The following ABCD3 variants were observed in gnomAD, a reference collection of about 807,000 sequenced individuals.
The protein encoded by ABCD3 is ATP binding cassette subfamily D member 3.
Under a neutral mutation model 105.5 loss-of-function variants are expected in ABCD3, and 41 were observed. The ratio of observed to expected loss-of-function variants is 0.39; its 90% confidence interval spans 0.30 to 0.50. The LOEUF (loss-of-function observed/expected upper bound fraction) is 0.50. Ranked by LOEUF, ABCD3 falls within the 20% of genes least tolerant of loss-of-function variation. ABCD3 has a pLI of 0.84. For missense variants in ABCD3, 622 were observed against 806.3 expected (o/e 0.77, Z 2.77); for synonymous variants, 258 against 269.0 (o/e 0.96, Z 0.40).
intron 1 of ABCD3, among the ~76,000 whole-genome samples, chr1:94,422,458 G>A (rs1188824731): frequency 6.6e-6 from 1 of 152,180 alleles, no homozygotes; most frequent in Non-Finnish European, 1.5e-5. Context: ...TGGAAAAATC[G>A]TGTTCCGCAA....
chr1:94,402,808 CTTT>C, the ABCD3 span, among the ~76,000 whole-genome samples: 4 of 148,530 alleles, frequency 2.7e-5, no homozygotes, highest in African/African-American at 9.9e-5. Flanking sequence ...CTTTTTTTTT[CTTT>C]TATTACTATA....
the ABCD3 span, among the ~76,000 whole-genome samples, chr1:94,404,472 A>G: frequency 6.6e-6 from 1 of 152,148 alleles, no homozygotes; most frequent in Non-Finnish European, 1.5e-5. Flanking sequence ...AATATGAAAT[A>G]AAATCAGTTT....
intron 1 of ABCD3, among the ~76,000 whole-genome samples, chr1:94,448,163 A>T (rs958542980): frequency 6.6e-6 from 1 of 152,138 alleles, no homozygotes; most frequent in East Asian, 1.9e-4. Flanking sequence ...TAATTGACGG[A>T]CTCTAACTCC....
At chr1:94,458,202 C>T (rs1395703358) in intron 1 of ABCD3, among the ~76,000 whole-genome samples, 1 of 152,154 alleles carries the variant, frequency 6.6e-6, no homozygotes, top group East Asian at 1.9e-4. Flanking sequence ...GAAAGATTCC[C>T]AGCAGTAAGA....
At chr1:94,426,523 C>T (rs1284173944) in intron 1 of ABCD3, among the ~76,000 whole-genome samples, 3 of 151,866 alleles carry the variant, frequency 2.0e-5, no homozygotes, top group African/African-American at 2.4e-5. Flanking sequence ...CCCTTCTTTC[C>T]CCCTCCTCAC....
intron 7 of ABCD3, among the ~76,000 whole-genome samples, chr1:94,476,319 C>G (rs1296887623): frequency 6.6e-6 from 1 of 152,170 alleles, no homozygotes; most frequent in African/African-American, 2.4e-5. Flanking sequence ...TTATCTTAGT[C>G]ATGTTATCTC....
rs1056451248 is a variant in ABCD3, at chr1:94,418,600, C to G, written c.110+12C>G. 2.5e-6 allele frequency: 4 copies of G among 1,584,140 alleles called. No individual in the cohort carries two copies. Among genetic ancestry groups the G allele is most frequent in the African/African-American group, 2.7e-5 (2 of 74,266 alleles). On this transcript the variant is annotated intron_variant, in intron 1 of 22. Transcript: ENST00000370214. ...CTCGGCCTGCACGGGTAAGAAGGCC[C>G]GTAGCCGTGCAGCTTTCCCGGGCTG... is the stretch of plus-strand genomic sequence containing the variant.
At chr1:94,417,201 G>A (rs745306220), upstream of ABCD3, among the ~76,000 whole-genome samples, 1 of 152,174 alleles carries the variant, frequency 6.6e-6, no homozygotes, top group Non-Finnish European at 1.5e-5. Context: ...AGGAGCTTCA[G>A]TTCTGCATAA....
upstream of ABCD3, among the ~76,000 whole-genome samples, chr1:94,416,814 C>G (rs969684333): frequency 4.6e-5 from 7 of 152,180 alleles, no homozygotes; most frequent in Non-Finnish European, 1.0e-4. Context: ...GTTAAGAGCT[C>G]CATTCCATTC....
intron 4 of ABCD3, 100 bp from the exon 5 acceptor site, chr1:94,473,666 A>G (rs1479087734): frequency 1.5e-5 from 14 of 964,088 alleles, no homozygotes; most frequent in Non-Finnish European, 2.0e-5. Flanking sequence ...TTTTGATTTA[A>G]TAGAAGTTTC....
At chr1:94,409,196 C>T in the ABCD3 span, among the ~76,000 whole-genome samples, 1 of 152,034 alleles carries the variant, frequency 6.6e-6, no homozygotes, top group Non-Finnish European at 1.5e-5. Flanking sequence ...TTTAATTGTA[C>T]ATTTGAAAAT....
intron 20 of ABCD3, among the ~76,000 whole-genome samples, chr1:94,506,161 A>G (rs1465265680): frequency 6.6e-6 from 1 of 152,198 alleles, no homozygotes; most frequent in Non-Finnish European, 1.5e-5. Flanking sequence ...TATTTAAAAT[A>G]GAGACCTTTT....
At chr1:94,481,331 C>T (rs1159122238) in intron 9 of ABCD3, among the ~76,000 whole-genome samples, 2 of 152,134 alleles carry the variant, frequency 1.3e-5, no homozygotes, top group Non-Finnish European at 2.9e-5. Flanking sequence ...TAGGCATTTG[C>T]AAATGACAGT....
chr1:94,428,590 A>C (rs913294141), intron 1 of ABCD3, among the ~76,000 whole-genome samples: 1 of 152,132 alleles, frequency 6.6e-6, no homozygotes, highest in African/African-American at 2.4e-5. Context: ...TCATGGGGGC[A>C]GGTCTTTCCC....
chr1:94,517,293 T>C lies in ABCD3; in HGVS notation c.*164T>C, dbSNP rs1436588593. 1.7e-6 allele frequency: 1 copy of C among 587,182 alleles called. No individual in the cohort carries two copies. The highest frequency in any genetic ancestry group is 1.9e-5 in the African/African-American group (1 of 52,896). The allele number at this position is 587,182 out of a possible 1,614,324, so 36.4% of individuals were successfully genotyped here. On this transcript the variant is annotated 3_prime_UTR_variant, in exon 23 of 23. Transcript: ENST00000370214. ...TAATGGAGAACAAGTTGTTAAAACA[T>C]TTAATATTATATAGGATATTGCTAA...
chr1:94,397,822 C>T, the ABCD3 span, among the ~76,000 whole-genome samples: 7 of 152,170 alleles, frequency 4.6e-5, no homozygotes, highest in African/African-American at 1.7e-4. Context: ...ATTAAAATCA[C>T]CACAGCATTT....
At chr1:94,387,156 C>CT in the ABCD3 span, among the ~76,000 whole-genome samples, 1 of 152,208 alleles carries the variant, frequency 6.6e-6, no homozygotes, top group South Asian at 2.1e-4. Flanking sequence ...GGTCTGACAC[C>CT]TTCCCCAGTG....
At chr1:94,426,485 A>G (rs1570731883) in intron 1 of ABCD3, among the ~76,000 whole-genome samples, 1 of 151,800 alleles carries the variant, frequency 6.6e-6, no homozygotes, top group South Asian at 2.1e-4. Context: ...AATATTTTTC[A>G]CTTGTATTTA....
intron 1 of ABCD3, among the ~76,000 whole-genome samples, chr1:94,439,221 A>C (rs948021202): frequency 6.6e-6 from 1 of 152,138 alleles, no homozygotes; most frequent in African/African-American, 2.4e-5. Flanking sequence ...TGAATATCTT[A>C]AATATGTTAC....
Sources: gnomAD v4.1 joint callset for allele counts (sites outside exome capture counted in the v4.1 genomes callset) on GRCh38, gnomAD v4.1.1 for gene constraint, MANE v1.5 for transcripts, NCBI Gene and HGNC (gene_info 2026-07-23, HGNC 2026-07-21) for gene names.